The following PTPRN2 variants were observed in gnomAD, a reference collection of about 807,000 sequenced individuals.
PTPRN2 encodes receptor-type tyrosine-protein phosphatase N2.
A neutral mutation model predicts 118.8 loss-of-function variants in PTPRN2; 74 were observed. The observed-to-expected ratio is 0.62, with a 90% CI of 0.52 to 0.76. The LOEUF (loss-of-function observed/expected upper bound fraction) is 0.76, where lower values mean the gene tolerates loss of function less well. PTPRN2 is among the 30% of genes least tolerant of loss of function. PTPRN2 has a pLI of 0.00. For synonymous variants in PTPRN2, 641 were observed against 608.0 expected, an observed-to-expected ratio of 1.05 and a Z score of -0.80; for missense variants, 1,481 against 1,394.4, an observed-to-expected ratio of 1.06 and a Z score of -0.99.
chr7:157,651,994 C>T (rs1188897417), intron 14 of PTPRN2, among the ~76,000 whole-genome samples: 1 of 152,256 alleles, frequency 6.6e-6, no homozygotes, highest in Non-Finnish European at 1.5e-5. Context: ...CTGCACCTTC[C>T]CTGCGCCTGG....
chr7:157,931,449 C>T (rs1306344363), intron 11 of PTPRN2, among the ~76,000 whole-genome samples: 3 of 152,204 alleles, frequency 2.0e-5, no homozygotes, highest in Non-Finnish European at 4.4e-5. Context: ...AGGCACGGAA[C>T]CCAGTCTACT....
intron 1 of PTPRN2, among the ~76,000 whole-genome samples, chr7:158,558,296 A>C (rs1827177308): frequency 6.6e-6 from 1 of 152,198 alleles, no homozygotes; most frequent in Non-Finnish European, 1.5e-5. Flanking sequence ...CTTTTAAAAT[A>C]ATTCTTACAT....
At chr7:157,744,439 G>A (rs569158344) in intron 12 of PTPRN2, among the ~76,000 whole-genome samples, 225 of 152,280 alleles carry the variant, frequency 1.5e-3, no homozygotes, top group African/African-American at 5.0e-3. Flanking sequence ...GTGATGTGCC[G>A]TCCATTACAC....
intron 2 of PTPRN2, among the ~76,000 whole-genome samples, chr7:158,390,725 G>T (rs1811860750): frequency 6.6e-6 from 1 of 152,256 alleles, no homozygotes. Flanking sequence ...AGCGCACTTT[G>T]CGGGAGAGCT....
At chr7:158,357,485 C>T (rs10258487) in intron 2 of PTPRN2, among the ~76,000 whole-genome samples, 4,014 of 152,334 alleles carry the variant, frequency 0.026, 183 homozygotes, top group African/African-American at 0.091. Flanking sequence ...GGCCAGACCC[C>T]GGACAAGGCC....
At chr7:158,418,971 A>G (rs910119368) in intron 2 of PTPRN2, among the ~76,000 whole-genome samples, 1 of 152,250 alleles carries the variant, frequency 6.6e-6, no homozygotes, top group Non-Finnish European at 1.5e-5. Flanking sequence ...CGTTTTCACA[A>G]CATTACAGGT....
chr7:157,742,867 A>G (rs1471377590), intron 12 of PTPRN2, among the ~76,000 whole-genome samples: 1 of 152,222 alleles, frequency 6.6e-6, no homozygotes, highest in South Asian at 2.1e-4. Context: ...TTGTAATTCC[A>G]AAGTATTGAT....
chr7:157,601,887 G>A (rs1033070933), intron 16 of PTPRN2, among the ~76,000 whole-genome samples: 4 of 152,166 alleles, frequency 2.6e-5, no homozygotes, highest in Non-Finnish European at 5.9e-5. Flanking sequence ...CTTTTCCTTC[G>A]GACGGTTTCG....
At chr7:157,840,347 C>T (rs1293122966) in intron 12 of PTPRN2, among the ~76,000 whole-genome samples, 6 of 121,508 alleles carry the variant, frequency 4.9e-5, no homozygotes, top group Non-Finnish European at 8.2e-5. Flanking sequence ...GACGTGTGGC[C>T]GCGTGTGACT....
At chr7:157,724,264 C>A (rs10253909) in intron 12 of PTPRN2, among the ~76,000 whole-genome samples, 89,022 of 152,096 alleles carry the variant, frequency 0.59, 26,707 homozygotes, top group African/African-American at 0.63. Flanking sequence ...TATTTGCAGA[C>A]GCTTGCTTAC....
rs1409464825 is a variant in PTPRN2 at position 157,629,421 on chromosome 7, A to C, written c.2197-7912T>G. Among the ~76,000 whole-genome samples, 2 of 152,206 alleles carry C rather than the reference A, an allele frequency of 1.3e-5. No homozygotes were observed. Among genetic ancestry groups the C allele is most frequent in the Non-Finnish European group, 2.9e-5 (2 of 68,048 alleles). On this transcript the variant is annotated intron_variant, in intron 14 of 22. Transcript: ENST00000389418. This position sits in a 1 kb window ranked among gnomAD's most constrained non-coding sequence, Gnocchi z 4.4. ...TTTATTATTATTATTAAAAATAATA[A>C]TGAGAATAAACTCCCACCATGCAAT...
chr7:158,387,575 T>TGAAGCACTCTCTGGGGCCTGGGGGGA (rs61116708), intron 2 of PTPRN2, among the ~76,000 whole-genome samples: 1 of 150,834 alleles, frequency 6.6e-6, no homozygotes, highest in African/African-American at 2.4e-5. Flanking sequence ...CCCTGTCAGC[T>TGAAGCACTCTCTGGGGCCTGGGGGGA]CAGCTTGGCC....
At chr7:158,490,799 C>T (rs547823574) in intron 1 of PTPRN2, among the ~76,000 whole-genome samples, 6 of 152,348 alleles carry the variant, frequency 3.9e-5, no homozygotes, top group South Asian at 2.1e-4. Flanking sequence ...CAGACTCTCC[C>T]GGGGCTGCCC....
intron 10 of PTPRN2, among the ~76,000 whole-genome samples, chr7:158,100,251 G>T (rs1246122526): frequency 7.1e-6 from 1 of 140,270 alleles, no homozygotes; most frequent in Non-Finnish European, 1.5e-5. Flanking sequence ...TGGGGTGTGT[G>T]TGTGTGTGTG....
At chr7:158,480,749 C>A (rs1304160215) in intron 2 of PTPRN2, among the ~76,000 whole-genome samples, 1 of 152,220 alleles carries the variant, frequency 6.6e-6, no homozygotes, top group East Asian at 1.9e-4. Flanking sequence ...AAGCCAGCCA[C>A]AATATTCCCT....
intron 12 of PTPRN2, among the ~76,000 whole-genome samples, chr7:157,871,789 A>G (rs1339187806): frequency 6.6e-6 from 1 of 151,222 alleles, no homozygotes; most frequent in East Asian, 1.9e-4. Context: ...AGACCCCTAA[A>G]TACCTACACA....
rs566686774 is a variant in PTPRN2 at position 157,768,363 on chromosome 7, G to A, written c.1789-85426C>T. On this transcript the variant is annotated intron_variant, in intron 12 of 22. Coordinates refer to ENST00000389418, the MANE Select transcript of PTPRN2 (RefSeq NM_002847.5). ...GTGTGTTCACTGAAGCACAGCACACGGGCAGAACCGCACGCTACATCCTCA... is the reference window on the plus strand; with the variant it reads ...GTGTGTTCACTGAAGCACAGCACACAGGCAGAACCGCACGCTACATCCTCA... Among the ~76,000 whole-genome samples, 34 of 152,270 alleles carry A rather than the reference G, an allele frequency of 2.2e-4. No homozygotes were observed. The South Asian group carries it at 5.6e-3, about 25-fold the overall frequency.
At chr7:158,118,155 G>C (rs1816877175) in intron 9 of PTPRN2, among the ~76,000 whole-genome samples, 1 of 152,010 alleles carries the variant, frequency 6.6e-6, no homozygotes, top group Non-Finnish European at 1.5e-5. Flanking sequence ...TCCACATTTT[G>C]TTTTCTACAT....
rs145370487 is a variant in PTPRN2 at position 158,538,988 on chromosome 7, C to T, written c.112+48570G>A. Among the ~76,000 whole-genome samples, 386 of 152,268 alleles carry T rather than the reference C, an allele frequency of 2.5e-3. 5 individuals are homozygous for T. Among genetic ancestry groups the T allele is most frequent in the African/African-American group, 8.8e-3 (366 of 41,548 alleles). ...CACGAACCCCCCAGGGCTCAGCTCT[C>T]CAAATCCAAAATGGAGGGGTTTCCC... On this transcript the variant is annotated intron_variant, in intron 1 of 22. Transcript: ENST00000389418.
Sources: allele counts gnomAD v4.1 joint callset (sites outside exome capture counted in the v4.1 genomes callset), GRCh38; gene constraint gnomAD v4.1.1; non-coding constraint Gnocchi (gnomAD v3.1); transcripts MANE v1.5; gene names NCBI Gene and HGNC (gene_info 2026-07-23, HGNC 2026-07-21).